The following TBK1 variants were observed in gnomAD, a reference collection of about 807,000 sequenced individuals.
TBK1 encodes TANK binding kinase 1, also known as serine/threonine-protein kinase TBK1.
Under a neutral mutation model 99.9 loss-of-function variants are expected in TBK1, and 37 were observed. The ratio of observed to expected loss-of-function variants is 0.37; its 90% CI spans 0.28 to 0.49. The LOEUF (loss-of-function observed/expected upper bound fraction) is 0.49, where lower values mean the gene tolerates loss of function less well. TBK1 is among the 20% of genes least tolerant of loss of function. The pLI is 0.98. For synonymous variants in TBK1, 258 were observed against 279.8 expected (o/e 0.92, Z 0.78); for missense variants, 644 against 872.5 (o/e 0.74, Z 3.30).
intron 18 of TBK1, among the ~76,000 whole-genome samples, 159 bp downstream of exon 18, chr12:64,497,418 A>G (rs571169821): frequency 1.3e-5 from 2 of 152,328 alleles, no homozygotes; most frequent in African/African-American, 4.8e-5. Flanking sequence ...GATGTTTTAC[A>G]ACTAAAAACA....
intron 1 of TBK1, among the ~76,000 whole-genome samples, 187 bp from the exon 2 acceptor site, chr12:64,455,653 C>T (rs1462278938): frequency 6.6e-6 from 1 of 152,174 alleles, no homozygotes; most frequent in Non-Finnish European, 1.5e-5. Flanking sequence ...TTGTTCATAC[C>T]ATATCAGTTA....
Position 64,494,901 on chromosome 12 carries a change from G to A in TBK1, c.1522-582G>A, listed in dbSNP as rs370741502. ...TGTATCAGGACCTTTAAAATATATG[G>A]ACATATTTATCCTTTAAGTCTAACC... On this transcript the variant is annotated intron_variant, in intron 13 of 20. Transcript: ENST00000331710. Among the ~76,000 whole-genome samples, 69 of 152,278 alleles carry A rather than the reference G, an allele frequency of 4.5e-4. 1 individual carries two copies. The South Asian group carries it at 6.8e-3, about 15-fold the overall frequency.
At chr12:64,496,668 A>C (rs1336563956) in intron 16 of TBK1, among the ~76,000 whole-genome samples, 1 of 152,220 alleles carries the variant, frequency 6.6e-6, no homozygotes, top group Non-Finnish European at 1.5e-5. Flanking sequence ...CTCTGATTAC[A>C]GAAGTACAGA....
intron 20 of TBK1, among the ~76,000 whole-genome samples, chr12:64,500,250 T>G (rs1022781433): frequency 1.6e-4 from 25 of 152,170 alleles, no homozygotes; most frequent in Admixed American, 1.6e-3. Context: ...CTTCAAATTT[T>G]TTTTTGAATC....
rs185457813 is a variant in TBK1 at position 64,484,509 on chromosome 12, G to A, written c.1189+10G>A. 3.5e-4 allele frequency: 556 copies of A among 1,591,978 alleles called. 1 individual carries two copies. The highest frequency in any genetic ancestry group is 9.8e-5 in the Non-Finnish European group (115 of 1,171,102). On this transcript the variant is annotated intron_variant, in intron 9 of 20. Transcript: ENST00000331710. ...TTAATATATGAAAAAAGTAAGTTGG[G>A]ATTTTTCTTGTCGTTCTTACTAGCC...
chr12:64,480,248 C>T, intron 7 of TBK1, 126 bp downstream of exon 7: 2 of 580,726 alleles, frequency 3.4e-6, no homozygotes, highest in Non-Finnish European at 5.8e-6. Flanking sequence ...ATTGTCAAAG[C>T]ATGTGCTTTG....
intron 3 of TBK1, among the ~76,000 whole-genome samples, chr12:64,463,326 G>C (rs1377649063): frequency 6.6e-6 from 1 of 151,726 alleles, no homozygotes; most frequent in African/African-American, 2.4e-5. Flanking sequence ...CTTCCAGTGA[G>C]CCGAGATCGC....
At chr12:64,488,463 A>G in intron 11 of TBK1, 24 bp from the exon 12 acceptor site, 1 of 1,427,074 alleles carries the variant, frequency 7.0e-7, no homozygotes. Flanking sequence ...AGATAAACTA[A>G]TTAGAATAAT....
At chr12:64,485,760 CAT>C (rs374746587) in intron 10 of TBK1, 164 bp from the exon 11 acceptor site, 124 of 449,730 alleles carry the variant, frequency 2.8e-4, no homozygotes, top group African/African-American at 2.4e-3. Flanking sequence ...TTAAGGATAA[CAT>C]ATTTATTATA....
intron 6 of TBK1, among the ~76,000 whole-genome samples, chr12:64,475,260 AT>A (rs879489772): frequency 1.3e-5 from 2 of 151,842 alleles, no homozygotes; most frequent in African/African-American, 4.8e-5. Context: ...TATTGTCACA[AT>A]TTTTTTTTAA....
In TBK1 at chr12:64,466,857, G is replaced by A. The variant is rs77698985; in HGVS notation, c.359-44G>A. ...GAATTTGAGACATGCACACATACAC[G>A]TAAATATCTACATTATGACTTCTTT... On this transcript the variant is annotated intron_variant, in intron 4 of 20. Coordinates refer to ENST00000331710, the MANE Select transcript of TBK1 (RefSeq NM_013254.4). 7.6e-3 allele frequency: 10,995 copies of A among 1,452,546 alleles called. 714 individuals carry two copies. The African/African-American group carries it at 0.14, about 19-fold the overall frequency. 90.0% of individuals were successfully genotyped at this position (1,452,546 alleles called of 1,614,324 possible). A position where few individuals can be genotyped will look rare whatever the true frequency, so the allele number is the denominator to read the frequency against.
chr12:64,456,657 G>T (rs552527998), intron 2 of TBK1, among the ~76,000 whole-genome samples: 1 of 152,008 alleles, frequency 6.6e-6, no homozygotes, highest in Non-Finnish European at 1.5e-5. Context: ...TGGCTAACAC[G>T]GTGAAACCCC....
intron 6 of TBK1, 72 bp from the exon 7 acceptor site, chr12:64,479,940 C>T: frequency 9.9e-7 from 1 of 1,013,224 alleles, no homozygotes; most frequent in Non-Finnish European, 1.5e-6. Context: ...TGAGGAAATA[C>T]TTTTGCAAAG....
intron 5 of TBK1, among the ~76,000 whole-genome samples, chr12:64,470,190 C>T (rs933319840): frequency 6.6e-6 from 1 of 152,100 alleles, no homozygotes; most frequent in Admixed American, 6.5e-5. Context: ...CCCTGTCAGA[C>T]CAATACCCCC....
At chr12:64,490,155 A>C in intron 13 of TBK1, 36 bp downstream of exon 13, 99 of 1,447,096 alleles carry the variant, frequency 6.8e-5, no homozygotes, top group Non-Finnish European at 9.0e-5. Context: ...TTGTAAGCTC[A>C]TAACCTATTC....
At chr12:64,454,068 GA>G (rs1271400675) in intron 1 of TBK1, among the ~76,000 whole-genome samples, 1 of 152,070 alleles carries the variant, frequency 6.6e-6, no homozygotes, top group Non-Finnish European at 1.5e-5. Flanking sequence ...TCTCTGCTCT[GA>G]AGGAAACAAA....
At chr12:64,456,043 G>A (rs766412702) in intron 2 of TBK1, 86 bp downstream of exon 2, 22 of 963,574 alleles carry the variant, frequency 2.3e-5, no homozygotes, top group Non-Finnish European at 3.4e-5. Flanking sequence ...TGTGTGACTT[G>A]GTGATTTTGA....
At chr12:64,466,226 C>T (rs529145844) in intron 4 of TBK1, among the ~76,000 whole-genome samples, 6 of 152,226 alleles carry the variant, frequency 3.9e-5, no homozygotes, top group Admixed American at 3.9e-4. Flanking sequence ...AAACCTTTTA[C>T]ATATTTTGAA....
Position 64,467,325 on chromosome 12 carries a change from A to G in TBK1, c.540+243A>G, listed in dbSNP as rs1592358339. 1.3e-5 allele frequency among the ~76,000 whole-genome samples: 2 copies of G among 152,304 alleles called. 1 individual carries two copies. Among genetic ancestry groups the G allele is most frequent in the South Asian group, 4.1e-4 (2 of 4,824 alleles). ...TAAATTCTTTAGTTTTACTGATGCT[A>G]TGGATCTAAATTAAAAGGGTCTGTT... On this transcript the variant is annotated intron_variant, in intron 5 of 20. Transcript: ENST00000331710.
Sources: allele counts gnomAD v4.1 joint callset (sites outside exome capture counted in the v4.1 genomes callset), GRCh38; gene constraint gnomAD v4.1.1; transcripts MANE v1.5; gene names NCBI Gene and HGNC (gene_info 2026-07-23, HGNC 2026-07-21).